Variants in DCAF6 observed in about 807,000 individuals in gnomAD.
DCAF6 encodes DDB1- and CUL4-associated factor 6.
DCAF6 carries 54 observed loss-of-function variants against 125.1 expected under a neutral mutation model. That is an observed-to-expected ratio of 0.43 (90% CI 0.35 to 0.54). DCAF6 has a LOEUF of 0.54. DCAF6 is among the 20% of genes least tolerant of loss of function. The pLI, the probability that DCAF6 is intolerant of heterozygous loss-of-function variation, is 0.01. For synonymous variants in DCAF6, 371 were observed against 390.4 expected (o/e 0.95, Z 0.58); for missense variants, 934 against 1,161.7 (o/e 0.80, Z 2.85).
intron 11 of DCAF6, among the ~76,000 whole-genome samples, chr1:168,018,863 T>A (rs1685310999): frequency 6.6e-6 from 1 of 152,172 alleles, no homozygotes; most frequent in Non-Finnish European, 1.5e-5. Flanking sequence ...TCCCTGGCTT[T>A]ATGACTAGAT....
chr1:168,068,032 A>G (rs1017440222), intron 20 of DCAF6, among the ~76,000 whole-genome samples: 1 of 152,224 alleles, frequency 6.6e-6, no homozygotes, highest in Non-Finnish European at 1.5e-5. Flanking sequence ...AGGGAAAACA[A>G]GGAGCCAACA....
At chr1:168,035,153 T>C (rs1311462430) in intron 12 of DCAF6, among the ~76,000 whole-genome samples, 1 of 152,164 alleles carries the variant, frequency 6.6e-6, no homozygotes, top group African/African-American at 2.4e-5. Flanking sequence ...CTGTCACTAA[T>C]ACTGCAGTTG....
At chr1:167,898,417 G>A in the DCAF6 span, among the ~76,000 whole-genome samples, 1 of 151,830 alleles carries the variant, frequency 6.6e-6, no homozygotes, top group African/African-American at 2.4e-5. Flanking sequence ...TGGCCAAGAT[G>A]GTGAAACCCC....
At chr1:168,072,322 A>AAAAAAAAAG (rs1553253848) in intron 21 of DCAF6, among the ~76,000 whole-genome samples, 18 of 145,394 alleles carry the variant, frequency 1.2e-4, no homozygotes, top group African/African-American at 4.6e-4. Context: ...AAAAAAAAAA[A>AAAAAAAAAG]AAAGAAAAGA....
chr1:168,058,045 C>T (rs1488156767), intron 17 of DCAF6, among the ~76,000 whole-genome samples: 2 of 152,156 alleles, frequency 1.3e-5, no homozygotes, highest in African/African-American at 4.8e-5. Context: ...AAGTTTTACC[C>T]ACTTTTGAAC....
Position 168,039,720 on chromosome 1 carries a change from CAT to C in DCAF6, c.1727+1233_1727+1234del, listed in dbSNP as rs1352271882. ...ATTTAATTGTATATTAATATATGAT[CAT>C]GTTATCTGTTACTATAATATATGTA... is the stretch of plus-strand genomic sequence containing the variant. On this transcript the variant is annotated intron_variant, in intron 13 of 21. Coordinates refer to ENST00000367840, the MANE Select transcript of DCAF6 (RefSeq NM_001198956.2). Among the ~76,000 whole-genome samples the C allele has an allele frequency of 4.8e-5, 7 of 146,014 alleles. No homozygotes were observed. The Admixed American group carries it at 4.8e-4, about 10-fold the overall frequency.
the DCAF6 span, chr1:167,893,963 G>A: frequency 2.5e-6 from 4 of 1,589,636 alleles, no homozygotes; most frequent in African/African-American, 1.3e-5. Flanking sequence ...GAAGGAGGGT[G>A]CAGGCTCAGA....
the DCAF6 span, among the ~76,000 whole-genome samples, chr1:167,928,777 G>A: frequency 1.3e-5 from 2 of 152,124 alleles, no homozygotes; most frequent in African/African-American, 4.8e-5. Flanking sequence ...ATTAGAATAA[G>A]CAGAAGTATA....
At chr1:168,038,285 C>A (rs139688445) in intron 12 of DCAF6, 86 bp from the exon 13 acceptor site, 3 of 962,114 alleles carry the variant, frequency 3.1e-6, no homozygotes, top group African/African-American at 3.4e-5. Context: ...CAAGGACAAC[C>A]TAATATAAGT....
chr1:167,982,870 T>C (rs1009652447), intron 4 of DCAF6, among the ~76,000 whole-genome samples: 1 of 152,206 alleles, frequency 6.6e-6, no homozygotes, highest in Non-Finnish European at 1.5e-5. Flanking sequence ...AGTTTCATTC[T>C]TCTACATATG....
intron 17 of DCAF6, chr1:168,056,417 C>CGCCATG (rs1690833721): frequency 1.5e-6 from 2 of 1,342,676 alleles, no homozygotes; most frequent in Non-Finnish European, 1.9e-6. Context: ...CCACTCGCAG[C>CGCCATG]GCCATGTTCG....
chr1:167,903,971 T>G, the DCAF6 span: 3 of 1,613,666 alleles, frequency 1.9e-6, no homozygotes, highest in Admixed American at 5.0e-5. Flanking sequence ...CTGCTGAACT[T>G]CTCAGTCATT....
intron 2 of DCAF6, among the ~76,000 whole-genome samples, 164 bp downstream of exon 2, chr1:167,952,025 A>G (rs1039301400): frequency 6.6e-6 from 1 of 152,164 alleles, no homozygotes; most frequent in Non-Finnish European, 1.5e-5. Context: ...AGAAGAGTGT[A>G]TGCAAGATTT....
At chr1:167,962,647 C>T (rs777326131) in intron 2 of DCAF6, among the ~76,000 whole-genome samples, 11 of 152,056 alleles carry the variant, frequency 7.2e-5, no homozygotes, top group Admixed American at 2.6e-4. Context: ...TTTTGATCCA[C>T]TCTGACAGTC....
intron 4 of DCAF6, among the ~76,000 whole-genome samples, chr1:167,986,830 G>A (rs1420406272): frequency 6.6e-6 from 1 of 152,006 alleles, no homozygotes; most frequent in Non-Finnish European, 1.5e-5. Flanking sequence ...ATTGAGGCAG[G>A]GTTTATAGAG....
At chr1:168,034,618 T>C (rs1039132732) in intron 12 of DCAF6, among the ~76,000 whole-genome samples, 3 of 152,198 alleles carry the variant, frequency 2.0e-5, no homozygotes. Flanking sequence ...ATTACAAAGA[T>C]TTTTTTAAAG....
chr1:167,962,126 G>A lies in DCAF6; in HGVS notation c.160-4503G>A, dbSNP rs116322917. On this transcript the variant is annotated intron_variant, in intron 2 of 21. Transcript: ENST00000367840. Reference sequence around the variant, plus strand: ...TAAGGCCTCAAGTGTGGTCTGTCTTGGTAAATGTTTCATGTGAGCTTTAGA... The same window carrying A: ...TAAGGCCTCAAGTGTGGTCTGTCTTAGTAAATGTTTCATGTGAGCTTTAGA... 2.9e-3 allele frequency among the ~76,000 whole-genome samples: 448 copies of A among 152,110 alleles called. 1 individual carries two copies. Among genetic ancestry groups the A allele is most frequent in the African/African-American group, 0.01 (426 of 41,498 alleles).
the DCAF6 span, among the ~76,000 whole-genome samples, chr1:167,928,279 T>G: frequency 1.4e-5 from 2 of 141,060 alleles, no homozygotes; most frequent in Admixed American, 7.5e-5. Context: ...AGCCGGGAGG[T>G]GGAGCTTGCA....
the DCAF6 span, among the ~76,000 whole-genome samples, chr1:167,873,157 T>C: frequency 6.6e-6 from 1 of 152,142 alleles, no homozygotes; most frequent in African/African-American, 2.4e-5. Flanking sequence ...AAGGTTAGGA[T>C]TCTGTTGCTG....
Sources: allele counts gnomAD v4.1 joint callset (sites outside exome capture counted in the v4.1 genomes callset), GRCh38; gene constraint gnomAD v4.1.1; transcripts MANE v1.5; gene names NCBI Gene and HGNC (gene_info 2026-07-23, HGNC 2026-07-21).